The following SIRT4 variants were observed in gnomAD, a reference collection of about 807,000 sequenced individuals.
The protein encoded by SIRT4 is sirtuin 4, also known as NAD-dependent protein lipoamidase sirtuin-4, mitochondrial.
In SIRT4, 23 loss-of-function variants were observed where a neutral mutation model predicts 26.1. The ratio of observed to expected loss-of-function variants is 0.88; its 90% CI spans 0.63 to 1.25. SIRT4 has a LOEUF of 1.25. SIRT4 is among the 50% of genes most tolerant of loss of function. The probability of loss-of-function intolerance (pLI) is 0.00; values close to 1 mark genes in which losing one functional copy is unlikely to be tolerated. For synonymous variants in SIRT4, 155 were observed against 158.4 expected (o/e 0.98, Z 0.16); for missense variants, 361 against 405.4 (o/e 0.89, Z 0.94).
chr12:120,301,038 C>G (rs908084918), upstream of SIRT4, among the ~76,000 whole-genome samples: 1 of 152,132 alleles, frequency 6.6e-6, no homozygotes, highest in Non-Finnish European at 1.5e-5. Flanking sequence ...TATTTGGCTT[C>G]ATATTAACTG....
chr12:120,292,210 G>A, the SIRT4 span, among the ~76,000 whole-genome samples: 1 of 152,214 alleles, frequency 6.6e-6, no homozygotes, highest in African/African-American at 2.4e-5. Context: ...AAGCGAGCCT[G>A]GAGGGCGCAG....
intron 2 of SIRT4, among the ~76,000 whole-genome samples, chr12:120,306,994 T>G (rs1872766923): frequency 6.6e-6 from 1 of 152,008 alleles, no homozygotes; most frequent in South Asian, 2.1e-4. Flanking sequence ...AACAGATACA[T>G]GGGAGGGTAT....
rs1873021709 is a variant in SIRT4, at chr12:120,312,526, C to CCCA, written c.571_573dup (p.Thr191dup). Reference sequence around the variant, plus strand: ...GCAAGAGCGTTTCCAAGTCCTGAACCCCACCTGGAGTGCTGAGGCCCATGG... The same window carrying CCCA: ...GCAAGAGCGTTTCCAAGTCCTGAACCCCACCACCTGGAGTGCTGAGGCCCATGG... On this transcript the variant is annotated inframe_insertion, in exon 3 of 4. Coordinates refer to ENST00000202967, the MANE Select transcript of SIRT4 (RefSeq NM_012240.3). The CCCA allele has an allele frequency of 6.2e-7, 1 of 1,614,006 alleles. No individual in the cohort carries two copies. The highest frequency in any genetic ancestry group is 1.3e-5 in the African/African-American group (1 of 74,902).
At chr12:120,296,809 T>G in the SIRT4 span, among the ~76,000 whole-genome samples, 1 of 151,844 alleles carries the variant, frequency 6.6e-6, no homozygotes, top group African/African-American at 2.4e-5. Flanking sequence ...TGCAGCAGAT[T>G]TCTTATTTAA....
At chr12:120,312,338 T>C (rs1873011401) in intron 2 of SIRT4, 118 bp from the exon 3 acceptor site, 2 of 911,506 alleles carry the variant, frequency 2.2e-6, no homozygotes, top group Non-Finnish European at 3.4e-6. Context: ...GTGGGGATTG[T>C]GTGTTAGGGA....
At chr12:120,310,307 A>C (rs1171528999) in intron 2 of SIRT4, among the ~76,000 whole-genome samples, 2 of 152,008 alleles carry the variant, frequency 1.3e-5, no homozygotes, top group Non-Finnish European at 2.9e-5. Context: ...CGGAGGTTGC[A>C]GTGAGCCGAG....
At position 120,303,542 on chromosome 12, in the gene SIRT4, G is replaced by A; in HGVS notation, c.-1-19G>A. On this transcript the variant is annotated intron_variant, in intron 1 of 3. Coordinates refer to ENST00000202967, the MANE Select transcript of SIRT4 (RefSeq NM_012240.3). Reference sequence around the variant, plus strand: ...AAAAAACCACCCCAGTTTCTCACATGAGGCTTCTTTTTCTCTAGAATGAAG... The same window carrying A: ...AAAAAACCACCCCAGTTTCTCACATAAGGCTTCTTTTTCTCTAGAATGAAG... The A allele has an allele frequency of 6.4e-7, 1 of 1,559,806 alleles. No homozygotes were observed. Among genetic ancestry groups the A allele is most frequent in the East Asian group, 2.2e-5 (1 of 44,450 alleles).
intron 2 of SIRT4, among the ~76,000 whole-genome samples, chr12:120,310,340 T>G (rs1230318965): frequency 6.6e-6 from 1 of 151,954 alleles, no homozygotes; most frequent in Non-Finnish European, 1.5e-5. Context: ...CACTCCAGCC[T>G]GGGCGACAGA....
upstream of SIRT4, among the ~76,000 whole-genome samples, chr12:120,300,688 T>A (rs1319661358): frequency 1.3e-5 from 2 of 152,114 alleles, no homozygotes; most frequent in African/African-American, 4.8e-5. Flanking sequence ...GCTCAAGTGA[T>A]CCTCCTGCCT....
At chr12:120,293,082 T>TA in the SIRT4 span, 3 of 84,380 alleles carry the variant, frequency 3.6e-5, no homozygotes, top group Non-Finnish European at 5.4e-5. Context: ...GTTGTTCAAC[T>TA]GCAAGAAAAT....
intron 2 of SIRT4, among the ~76,000 whole-genome samples, chr12:120,305,212 C>A (rs1872705707): frequency 7.3e-6 from 1 of 137,450 alleles, no homozygotes; most frequent in South Asian, 2.5e-4. Context: ...GGGTGATTTT[C>A]TTTTATTTTC....
At position 120,303,990 on chromosome 12, in the gene SIRT4, A is replaced by G. The variant is rs774632340; in HGVS notation, c.429A>G (p.Gln143=). Residue 143 remains glutamine (Q), a synonymous_variant, in exon 2 of 4, where the codon CAA becomes CAG. Transcript: ENST00000202967. The stretch of plus-strand genomic sequence containing the variant: ...GAAAGCTGTACTGGTTGGTGACCCA[A>G]AATGTGGATGCTTTGCACACCAAGG... The part of the protein sequence containing the change: ...KLGKLYWLVT[Q]NVDALHTKAG... 1 of 1,614,048 alleles carries G rather than the reference A, an allele frequency of 6.2e-7. No homozygotes were observed. The highest frequency in any genetic ancestry group is 8.5e-7 in the Non-Finnish European group (1 of 1,180,018).
chr12:120,312,008 C>T (rs1021914869), intron 2 of SIRT4, among the ~76,000 whole-genome samples: 1 of 150,968 alleles, frequency 6.6e-6, no homozygotes, highest in Non-Finnish European at 1.5e-5. Flanking sequence ...ATGGGCTGGG[C>T]GCAGTGGCTC....
chr12:120,297,597 G>A (rs1872379078), upstream of SIRT4, among the ~76,000 whole-genome samples: 3 of 152,018 alleles, frequency 2.0e-5, no homozygotes, highest in African/African-American at 4.8e-5. Context: ...TGACTTCACC[G>A]TCCAGGGATG....
intron 2 of SIRT4, among the ~76,000 whole-genome samples, chr12:120,307,160 C>T (rs1419415954): frequency 1.3e-5 from 2 of 152,086 alleles, no homozygotes; most frequent in Non-Finnish European, 2.9e-5. Flanking sequence ...CTATGTAGTA[C>T]ATTATAACAC....
At chr12:120,293,484 C>A in the SIRT4 span, among the ~76,000 whole-genome samples, 2 of 152,120 alleles carry the variant, frequency 1.3e-5, no homozygotes, top group Non-Finnish European at 2.9e-5. Flanking sequence ...TCAGAGACTG[C>A]GAAGGGCTTT....
intron 2 of SIRT4, among the ~76,000 whole-genome samples, chr12:120,308,168 T>TC (rs1872818066): frequency 1.4e-5 from 2 of 142,022 alleles, no homozygotes; most frequent in Admixed American, 1.4e-4. Flanking sequence ...AAGAAAGCTT[T>TC]TTTTTTTTTT....
chr12:120,311,279 T>C (rs1297638133), intron 2 of SIRT4, among the ~76,000 whole-genome samples: 1 of 150,172 alleles, frequency 6.7e-6, no homozygotes, highest in Admixed American at 6.6e-5. Context: ...TGCTTGAACC[T>C]GGGAGGCAGA....
At chr12:120,302,055 C>T (rs984669709), upstream of SIRT4, among the ~76,000 whole-genome samples, 3 of 147,566 alleles carry the variant, frequency 2.0e-5, no homozygotes, top group African/African-American at 7.5e-5. Context: ...ACAACAACTC[C>T]GTCTTAAAAA....
Sources: allele counts gnomAD v4.1 joint callset (sites outside exome capture counted in the v4.1 genomes callset), GRCh38; gene constraint gnomAD v4.1.1; transcripts MANE v1.5; gene names NCBI Gene and HGNC (gene_info 2026-07-23, HGNC 2026-07-21).